Variants in IQCJ observed in about 807,000 individuals in gnomAD.
IQCJ encodes IQ domain-containing protein J.
A neutral mutation model predicts 11.0 loss-of-function variants in IQCJ; 9 were observed. The observed-to-expected ratio is 0.82, with a 90% confidence interval of 0.49 to 1.43. The LOEUF (loss-of-function observed/expected upper bound fraction) is 1.43. Among genes scored for constraint, IQCJ ranks in the 40% most tolerant of loss-of-function variants. The probability of loss-of-function intolerance (pLI) is 0.00; values close to 1 mark genes in which losing one functional copy is unlikely to be tolerated. For missense variants in IQCJ, 146 were observed against 133.2 expected (o/e 1.10, Z -0.47); for synonymous variants, 55 against 51.3 (o/e 1.07, Z -0.31).
chr3:159,087,527 A>G (rs1485654229), intron 1 of IQCJ, among the ~76,000 whole-genome samples: 13 of 152,134 alleles, frequency 8.5e-5, no homozygotes, highest in African/African-American at 2.4e-4. Context: ...GGTAAAATTC[A>G]GCTGTGAATC....
At chr3:159,251,919 C>T (rs1727624061) in intron 2 of IQCJ, among the ~76,000 whole-genome samples, 1 of 152,074 alleles carries the variant, frequency 6.6e-6, no homozygotes, top group Non-Finnish European at 1.5e-5. Context: ...CATAAAATGC[C>T]TATGACAGTG....
At chr3:159,080,360 T>C (rs10513534) in intron 1 of IQCJ, among the ~76,000 whole-genome samples, 1 of 151,872 alleles carries the variant, frequency 6.6e-6, no homozygotes, top group Non-Finnish European at 1.5e-5. Flanking sequence ...ACTCTTCCAC[T>C]GTGGTTATCA....
At chr3:159,088,214 T>C (rs61795971) in intron 1 of IQCJ, among the ~76,000 whole-genome samples, 1 of 151,976 alleles carries the variant, frequency 6.6e-6, no homozygotes, top group African/African-American at 2.4e-5. Flanking sequence ...TCAGTTTCCA[T>C]GTAGTTGAGC....
At chr3:159,207,594 G>T (rs114915155) in intron 1 of IQCJ, among the ~76,000 whole-genome samples, 1 of 152,142 alleles carries the variant, frequency 6.6e-6, no homozygotes, top group Non-Finnish European at 1.5e-5. Context: ...CTCTGGTGTC[G>T]TGGGGGTAAG....
chr3:159,156,734 A>T (rs1480551022), intron 1 of IQCJ, among the ~76,000 whole-genome samples: 2 of 152,202 alleles, frequency 1.3e-5, no homozygotes, highest in Non-Finnish European at 2.9e-5. Flanking sequence ...CCACTTTTGC[A>T]TACCCTTAAG....
intron 1 of IQCJ, among the ~76,000 whole-genome samples, chr3:159,094,132 T>C (rs1173251925): frequency 6.6e-6 from 1 of 151,830 alleles, no homozygotes; most frequent in Non-Finnish European, 1.5e-5. Flanking sequence ...TCTATGCTCC[T>C]AGCCATCTTC....
chr3:159,069,356 C>T lies in IQCJ; in HGVS notation c.-77C>T. 1 of 1,557,344 alleles carries T rather than the reference C, an allele frequency of 6.4e-7. No homozygotes were observed. The highest frequency in any genetic ancestry group is 8.7e-7 in the Non-Finnish European group (1 of 1,154,150). On this transcript the variant is annotated 5_prime_UTR_variant, in exon 1 of 4. Coordinates refer to ENST00000397832, the MANE Select transcript of IQCJ (RefSeq NM_001042706.3). Reference sequence around the variant, plus strand: ...CATTCCCCCACAGTCACATTGCGCTCTGTGATTCTGAGGAATACAGTGTGC... The same window carrying T: ...CATTCCCCCACAGTCACATTGCGCTTTGTGATTCTGAGGAATACAGTGTGC...
chr3:159,185,621 T>C (rs1412762076), intron 1 of IQCJ, among the ~76,000 whole-genome samples: 1 of 152,228 alleles, frequency 6.6e-6, no homozygotes, highest in African/African-American at 2.4e-5. Flanking sequence ...GTATCTGCAA[T>C]GAAATTGCTT....
rs373030886 is a variant in IQCJ at position 159,150,583 on chromosome 3, AAC to A, written c.9+81174_9+81175del. On this transcript the variant is annotated intron_variant, in intron 1 of 3. Transcript: ENST00000397832. ...CAATAGCATATGTTGCATTGTCCCCAACACACACACACACACACACACACACA... is the reference window on the plus strand; with the variant it reads ...CAATAGCATATGTTGCATTGTCCCCAACACACACACACACACACACACACA... Among the ~76,000 whole-genome samples, 969 of 145,664 alleles carry A rather than the reference AAC, an allele frequency of 6.7e-3. 7 individuals carry two copies. Among genetic ancestry groups the A allele is most frequent in the East Asian group, 0.032 (161 of 4,992 alleles).
intron 1 of IQCJ, among the ~76,000 whole-genome samples, chr3:159,207,703 C>T (rs1429199254): frequency 2.6e-5 from 4 of 152,186 alleles, no homozygotes; most frequent in Admixed American, 6.5e-5. Context: ...TTAGGGAATA[C>T]AGCAAAACAA....
At chr3:159,226,321 C>T (rs1243501438) in intron 1 of IQCJ, among the ~76,000 whole-genome samples, 1 of 152,166 alleles carries the variant, frequency 6.6e-6, no homozygotes, top group Non-Finnish European at 1.5e-5. Flanking sequence ...AGGTGCCAGT[C>T]ATCTCATTAG....
At chr3:159,246,912 T>A (rs1393140144) in intron 2 of IQCJ, among the ~76,000 whole-genome samples, 2 of 152,092 alleles carry the variant, frequency 1.3e-5, no homozygotes, top group South Asian at 4.2e-4. Context: ...AAGGAAAAAC[T>A]TTTGTAAAAG....
chr3:159,241,384 G>A (rs1485871483), intron 1 of IQCJ, among the ~76,000 whole-genome samples: 1 of 151,810 alleles, frequency 6.6e-6, no homozygotes, highest in Non-Finnish European at 1.5e-5. Flanking sequence ...ACTCCAGCCC[G>A]GGTGACAGAG....
At chr3:159,238,269 T>G (rs1346685012) in intron 1 of IQCJ, among the ~76,000 whole-genome samples, 2 of 152,170 alleles carry the variant, frequency 1.3e-5, no homozygotes, top group African/African-American at 4.8e-5. Context: ...TCTGGGCTCA[T>G]GCCAGTGCCT....
At chr3:159,265,457 A>AGC (rs1728447670), downstream of IQCJ, 1 of 1,389,556 alleles carries the variant, frequency 7.2e-7, no homozygotes, top group South Asian at 1.4e-5. Context: ...ACACTGACTA[A>AGC]GCCTGTCATC....
chr3:159,087,034 G>A (rs1358151639), intron 1 of IQCJ, among the ~76,000 whole-genome samples: 1 of 152,186 alleles, frequency 6.6e-6, no homozygotes, highest in East Asian at 1.9e-4. Context: ...TGCCCATTCA[G>A]TATGATATTG....
intron 1 of IQCJ, among the ~76,000 whole-genome samples, chr3:159,148,172 G>A (rs1462023738): frequency 6.6e-6 from 1 of 152,166 alleles, no homozygotes; most frequent in Non-Finnish European, 1.5e-5. Context: ...TAATGTTTTT[G>A]TTTCCTATGG....
chr3:159,130,732 G>A (rs1449082646), intron 1 of IQCJ, among the ~76,000 whole-genome samples: 1 of 152,112 alleles, frequency 6.6e-6, no homozygotes, highest in Admixed American at 6.5e-5. Flanking sequence ...GGTGAGCAAG[G>A]GTAGATTAAT....
At chr3:159,077,279 T>C (rs1044314022) in intron 1 of IQCJ, among the ~76,000 whole-genome samples, 17 of 152,144 alleles carry the variant, frequency 1.1e-4, no homozygotes, top group African/African-American at 2.4e-4. Context: ...CAGCTTTAGA[T>C]GGTAATTTGC....
Sources: allele counts gnomAD v4.1 joint callset (sites outside exome capture counted in the v4.1 genomes callset), GRCh38; gene constraint gnomAD v4.1.1; transcripts MANE v1.5; gene names NCBI Gene and HGNC (gene_info 2026-07-23, HGNC 2026-07-21).